The following AKR1D1 variants were observed in gnomAD, a reference collection of about 807,000 sequenced individuals.
AKR1D1 encodes delta(4)-3-ketosteroid 5-beta-reductase.
AKR1D1 carries 32 observed loss-of-function variants against 42.6 expected under a neutral mutation model. That is an observed-to-expected ratio of 0.75 (90% confidence interval 0.57 to 1.01). The LOEUF (loss-of-function observed/expected upper bound fraction) is 1.01. Among genes scored for constraint, AKR1D1 ranks in the 50% least tolerant of loss-of-function variants. The pLI, the probability that AKR1D1 is intolerant of heterozygous loss-of-function variation, is 0.00. For missense variants in AKR1D1, 364 were observed against 402.2 expected (o/e 0.91, Z 0.81); for synonymous variants, 123 against 135.5 (o/e 0.91, Z 0.64).
At chr7:138,093,178 C>T (rs1305256887) in intron 3 of AKR1D1, among the ~76,000 whole-genome samples, 1 of 151,360 alleles carries the variant, frequency 6.6e-6, no homozygotes, top group Non-Finnish European at 1.5e-5. Flanking sequence ...AAGCGATTCT[C>T]CTGCCTCAGC....
At chr7:138,086,936 T>C (rs904410159) in intron 1 of AKR1D1, among the ~76,000 whole-genome samples, 3 of 152,232 alleles carry the variant, frequency 2.0e-5, no homozygotes, top group African/African-American at 7.2e-5. Context: ...TGTTTCTCAT[T>C]AAGAAAAAAT....
chr7:138,091,820 C>T lies in AKR1D1; in HGVS notation c.314C>T (p.Thr105Ile). The change falls in exon 3 of 9, where the codon ACA (threonine) becomes ATA (isoleucine). Residue 105 changes from threonine (T) to isoleucine (I), a missense_variant. Physicochemically the swap from Thr to Ile is moderately conservative, Grantham distance 89 (BLOSUM62 -1). Coordinates refer to ENST00000242375, the MANE Select transcript of AKR1D1 (RefSeq NM_005989.4). Reference protein sequence around the residue: ...PEMVRPTLERTLRVLQLDYVD... With the variant: ...PEMVRPTLERILRVLQLDYVD... ...ATGGTCCGCCCAACCCTGGAGAGGA[C>T]ACTCAGGGTCCTCCAGCTAGATTAT... 3 of 1,614,154 alleles carry T rather than the reference C, an allele frequency of 1.9e-6. No homozygotes were observed. Among genetic ancestry groups the T allele is most frequent in the Non-Finnish European group, 2.5e-6 (3 of 1,179,990 alleles).
At chr7:138,090,159 T>G (rs187153247) in intron 2 of AKR1D1, among the ~76,000 whole-genome samples, 2 of 152,132 alleles carry the variant, frequency 1.3e-5, no homozygotes, top group Non-Finnish European at 2.9e-5. Flanking sequence ...TCCACTTAGA[T>G]GGGATTGCAA....
intron 2 of AKR1D1, among the ~76,000 whole-genome samples, chr7:138,089,533 C>G (rs1794019846): frequency 6.6e-6 from 1 of 151,544 alleles, no homozygotes; most frequent in Non-Finnish European, 1.5e-5. Flanking sequence ...TGCTTAATGA[C>G]TCATATTATA....
At chr7:138,101,563 G>A (rs1794320143) in intron 4 of AKR1D1, among the ~76,000 whole-genome samples, 1 of 151,990 alleles carries the variant, frequency 6.6e-6, no homozygotes. Flanking sequence ...AATTATGCAA[G>A]GTATGTTGTC....
chr7:138,091,884 G>A lies in AKR1D1; in HGVS notation c.378G>A (p.Lys126=), dbSNP rs374004991. ...LYIIEVPMAF[K]PGDEIYPRDE... is the part of the protein sequence containing the mutation. Reference sequence around the variant, plus strand: ...TCATTGAAGTACCCATGGCCTTTAAGGTGAGTTCAGATGCCCAAAGGTCAG... The same window carrying A: ...TCATTGAAGTACCCATGGCCTTTAAAGTGAGTTCAGATGCCCAAAGGTCAG... The change falls in exon 3 of 9, where the codon AAG becomes AAA. Residue 126 remains lysine, a splice_region_variant and synonymous_variant. Transcript: ENST00000242375. 2.5e-6 allele frequency: 4 copies of A among 1,606,380 alleles called. No individual in the cohort carries two copies. The highest frequency in any genetic ancestry group is 3.4e-6 in the Non-Finnish European group (4 of 1,173,272).
At chr7:138,110,840 T>C (rs1794522996) in intron 7 of AKR1D1, among the ~76,000 whole-genome samples, 1 of 152,168 alleles carries the variant, frequency 6.6e-6, no homozygotes, top group Non-Finnish European at 1.5e-5. Flanking sequence ...GCCAGGATAT[T>C]TTAAAAGTTA....
intron 5 of AKR1D1, among the ~76,000 whole-genome samples, chr7:138,106,104 G>C (rs944893903): frequency 7.2e-5 from 11 of 152,152 alleles, no homozygotes; most frequent in Non-Finnish European, 1.2e-4. Flanking sequence ...CAAAGTTTTT[G>C]TCTTATTAAT....
chr7:138,113,113 T>C (rs1373640212), intron 7 of AKR1D1, among the ~76,000 whole-genome samples: 1 of 152,094 alleles, frequency 6.6e-6, no homozygotes, highest in African/African-American at 2.4e-5. Context: ...GTTCAGGAGT[T>C]TGAGACCAGC....
At chr7:138,114,679 A>G (rs935711636) in intron 8 of AKR1D1, among the ~76,000 whole-genome samples, 101 of 132,208 alleles carry the variant, frequency 7.6e-4, no homozygotes, top group Non-Finnish European at 1.5e-3. Flanking sequence ...AAAAAAAAAA[A>G]GAATATATTT....
At chr7:138,090,345 G>C (rs756735821) in intron 2 of AKR1D1, among the ~76,000 whole-genome samples, 4 of 152,060 alleles carry the variant, frequency 2.6e-5, no homozygotes, top group Non-Finnish European at 5.9e-5. Flanking sequence ...ACCAAAAAAA[G>C]TATGATTCAG....
chr7:138,101,513 C>T (rs983287313), intron 4 of AKR1D1, among the ~76,000 whole-genome samples: 5 of 151,678 alleles, frequency 3.3e-5, no homozygotes, highest in East Asian at 3.9e-4. Flanking sequence ...GGCCATTTTT[C>T]GAGCCATAAC....
intron 5 of AKR1D1, among the ~76,000 whole-genome samples, chr7:138,105,972 A>G (rs1794417488): frequency 6.6e-6 from 1 of 152,218 alleles, no homozygotes; most frequent in African/African-American, 2.4e-5. Flanking sequence ...AAAAAGGAGT[A>G]AAAGGAATGA....
chr7:138,102,808 C>G (rs1254971596), intron 4 of AKR1D1, among the ~76,000 whole-genome samples: 1 of 152,124 alleles, frequency 6.6e-6, no homozygotes, highest in Non-Finnish European at 1.5e-5. Context: ...TTGCAAGAAC[C>G]CGTTGTGCAA....
chr7:138,089,249 G>A (rs1794013285), intron 2 of AKR1D1, among the ~76,000 whole-genome samples: 1 of 151,934 alleles, frequency 6.6e-6, no homozygotes, highest in South Asian at 2.1e-4. Flanking sequence ...TACTTGGGAG[G>A]CTGAGGCAGG....
chr7:138,092,317 CTCACACAG>C (rs1198672994), intron 3 of AKR1D1, among the ~76,000 whole-genome samples: 2 of 152,230 alleles, frequency 1.3e-5, no homozygotes, highest in East Asian at 1.9e-4. Flanking sequence ...CTTCTTCCCA[CTCACACAG>C]TCACAATCTC....
chr7:138,101,170 TCCCTCCCTC>T lies in AKR1D1; in HGVS notation c.456+3230_456+3238del, dbSNP rs1562935768. On this transcript the variant is annotated intron_variant, in intron 4 of 8. Transcript: ENST00000242375. ...TTCTTTCCCTCCCTCCCTCCCTCCC[TCCCTCCCTC>T]CCTCCCTCCCTCCCTTCCTTCCTTC... Among the ~76,000 whole-genome samples, 237 of 29,176 alleles carry T rather than the reference TCCCTCCCTC, an allele frequency of 8.1e-3. 3 individuals carry two copies. In the South Asian group the frequency reaches 0.12, roughly 15 times the overall value. 19.1% of individuals were successfully genotyped at this position (29,176 alleles called of 152,430 possible).
At chr7:138,091,636 C>A in intron 2 of AKR1D1, 132 bp from the exon 3 acceptor site, 1 of 705,610 alleles carries the variant, frequency 1.4e-6, no homozygotes, top group Non-Finnish European at 2.5e-6. Context: ...TAAAGACCAG[C>A]CTGGGCAACA....
intron 1 of AKR1D1, among the ~76,000 whole-genome samples, chr7:138,079,630 G>A (rs1803011873): frequency 6.6e-6 from 1 of 152,210 alleles, no homozygotes; most frequent in South Asian, 2.1e-4. Context: ...GTAAGCAACA[G>A]CAACTCATTC....
Sources: allele counts gnomAD v4.1 joint callset (sites outside exome capture counted in the v4.1 genomes callset), GRCh38; gene constraint gnomAD v4.1.1; transcripts MANE v1.5; gene names NCBI Gene and HGNC (gene_info 2026-07-23, HGNC 2026-07-21).